Variants in DYNLT2B observed in about 807,000 individuals in gnomAD.
The protein encoded by DYNLT2B is dynein light chain Tctex-type protein 2B.
In DYNLT2B, 14 loss-of-function variants were observed where a neutral mutation model predicts 19.5. The observed-to-expected ratio is 0.72, with a 90% confidence interval of 0.47 to 1.12. The LOEUF (loss-of-function observed/expected upper bound fraction) is 1.12, where lower values mean the gene tolerates loss of function less well. Ranked by LOEUF, DYNLT2B falls within the 50% of genes most tolerant of loss-of-function variation. The probability of loss-of-function intolerance (pLI) is 0.00; values close to 1 mark genes in which losing one functional copy is unlikely to be tolerated. For synonymous variants in DYNLT2B, 70 were observed against 59.7 expected (o/e 1.17, Z -0.79); for missense variants, 133 against 174.7 (o/e 0.76, Z 1.35).
chr3:196,298,112 AT>A, intron 3 of DYNLT2B: 1 of 334,516 alleles, frequency 3.0e-6, no homozygotes, highest in Admixed American at 3.2e-5. Flanking sequence ...GTTGTGCCTG[AT>A]TTTATTACCA....
intron 4 of DYNLT2B, among the ~76,000 whole-genome samples, chr3:196,291,863 G>A (rs914031385): frequency 3.3e-5 from 5 of 152,106 alleles, no homozygotes; most frequent in Non-Finnish European, 7.3e-5. Flanking sequence ...CTTGCCTGAG[G>A]GTGACTACAA....
At chr3:196,295,183 A>ATGTGTG (rs34805282) in intron 4 of DYNLT2B, among the ~76,000 whole-genome samples, 2 of 145,234 alleles carry the variant, frequency 1.4e-5, no homozygotes, top group African/African-American at 2.5e-5. Flanking sequence ...AACCTCTTTT[A>ATGTGTG]TGTGTGTGTG....
intron 2 of DYNLT2B, among the ~76,000 whole-genome samples, chr3:196,310,107 AACTTT>A (rs57572946): frequency 0.22 from 34,076 of 151,772 alleles, 5,296 homozygotes; most frequent in East Asian, 0.75. Context: ...CAAATTTTTT[AACTTT>A]TTTTTTGGAG....
intron 4 of DYNLT2B, among the ~76,000 whole-genome samples, chr3:196,291,604 G>C (rs1480864650): frequency 6.6e-6 from 1 of 152,106 alleles, no homozygotes; most frequent in African/African-American, 2.4e-5. Flanking sequence ...TCAGCCTCCA[G>C]AGTAGCTAGG....
chr3:196,301,701 A>T (rs1393177707), intron 3 of DYNLT2B, among the ~76,000 whole-genome samples: 1 of 152,034 alleles, frequency 6.6e-6, no homozygotes, highest in Non-Finnish European at 1.5e-5. Context: ...TGACAGAGTG[A>T]GACTCTGTCT....
intron 2 of DYNLT2B, among the ~76,000 whole-genome samples, chr3:196,313,543 A>C (rs1726694993): frequency 6.6e-6 from 1 of 152,024 alleles, no homozygotes; most frequent in African/African-American, 2.4e-5. Context: ...GATTTTTCTC[A>C]TTTTATTTTT....
intron 2 of DYNLT2B, among the ~76,000 whole-genome samples, chr3:196,314,287 CTT>C (rs1428992975): frequency 2.0e-5 from 3 of 151,752 alleles, no homozygotes; most frequent in Non-Finnish European, 4.4e-5. Flanking sequence ...TTGCAGATCT[CTT>C]GAGGGTCAGG....
At chr3:196,306,034 G>A (rs576958858) in intron 3 of DYNLT2B, among the ~76,000 whole-genome samples, 1 of 151,838 alleles carries the variant, frequency 6.6e-6, no homozygotes, top group Admixed American at 6.6e-5. Flanking sequence ...AAGATCTTAC[G>A]TCTTAAAAAA....
chr3:196,309,981 T>C (rs553538456), intron 2 of DYNLT2B, among the ~76,000 whole-genome samples: 2 of 149,750 alleles, frequency 1.3e-5, no homozygotes, highest in South Asian at 2.1e-4. Context: ...AAGAAAAAAA[T>C]CAACCTAGGA....
At chr3:196,298,144 G>A (rs559055458) in intron 3 of DYNLT2B, 27 of 364,430 alleles carry the variant, frequency 7.4e-5, no homozygotes, top group Non-Finnish European at 1.1e-4. Flanking sequence ...AGATCCACTG[G>A]AGAATGGGAC....
At chr3:196,293,487 G>A (rs1363076900) in intron 4 of DYNLT2B, among the ~76,000 whole-genome samples, 3 of 151,618 alleles carry the variant, frequency 2.0e-5, no homozygotes, top group African/African-American at 4.8e-5. Flanking sequence ...TTAGCCGAGC[G>A]TGGTGGCATG....
chr3:196,313,186 C>T (rs145150481), intron 2 of DYNLT2B, among the ~76,000 whole-genome samples: 1 of 151,770 alleles, frequency 6.6e-6, no homozygotes, highest in Non-Finnish European at 1.5e-5. Context: ...GTAATGTTTG[C>T]CTAGTATTAA....
At chr3:196,299,622 G>T (rs1726302015) in intron 3 of DYNLT2B, among the ~76,000 whole-genome samples, 1 of 151,766 alleles carries the variant, frequency 6.6e-6, no homozygotes, top group Non-Finnish European at 1.5e-5. Flanking sequence ...CACATGGTAG[G>T]TTTTCTTTTC....
chr3:196,314,588 G>A (rs1019175435), intron 2 of DYNLT2B, among the ~76,000 whole-genome samples: 3 of 152,018 alleles, frequency 2.0e-5, no homozygotes, highest in Admixed American at 2.0e-4. Flanking sequence ...CTAGGTGGGA[G>A]AATCACTTGA....
intron 3 of DYNLT2B, among the ~76,000 whole-genome samples, chr3:196,302,944 G>A (rs1040977357): frequency 2.6e-5 from 4 of 151,380 alleles, no homozygotes; most frequent in East Asian, 1.9e-4. Context: ...CCTTCTTGCC[G>A]GGGGACTAGA....
At chr3:196,296,672 T>C (rs749475404) in intron 3 of DYNLT2B, among the ~76,000 whole-genome samples, 24 of 152,216 alleles carry the variant, frequency 1.6e-4, no homozygotes, top group Non-Finnish European at 3.4e-4. Flanking sequence ...AATTATGGTA[T>C]TTCTCAGGAT....
At chr3:196,315,726 G>C (rs1021483589) in intron 2 of DYNLT2B, among the ~76,000 whole-genome samples, 1 of 152,026 alleles carries the variant, frequency 6.6e-6, no homozygotes, top group Non-Finnish European at 1.5e-5. Context: ...TACAAAATTA[G>C]CCAGGCGTGA....
intron 2 of DYNLT2B, among the ~76,000 whole-genome samples, chr3:196,308,358 T>C (rs62409176): frequency 0.13 from 19,389 of 152,028 alleles, 1,627 homozygotes; most frequent in Middle Eastern, 0.19. Flanking sequence ...CAGGAGAGCA[T>C]GGGATCTCCA....
At chr3:196,313,072 G>A (rs1232097503) in intron 2 of DYNLT2B, among the ~76,000 whole-genome samples, 3 of 152,094 alleles carry the variant, frequency 2.0e-5, no homozygotes, top group Non-Finnish European at 4.4e-5. Context: ...CTAAACAGGA[G>A]GCAACTGATC....
Sources: allele counts gnomAD v4.1 joint callset (sites outside exome capture counted in the v4.1 genomes callset), GRCh38; gene constraint gnomAD v4.1.1; transcripts MANE v1.5; gene names NCBI Gene and HGNC (gene_info 2026-07-23, HGNC 2026-07-21).